Variants in TMTC2 observed in about 807,000 individuals in gnomAD.
TMTC2 encodes protein O-mannosyl-transferase TMTC2.
In TMTC2, 43 loss-of-function variants were observed where a neutral mutation model predicts 82.4. The observed-to-expected ratio is 0.52, with a 90% CI of 0.41 to 0.67. The LOEUF (loss-of-function observed/expected upper bound fraction) is 0.67, where lower values mean the gene tolerates loss of function less well. Among genes scored for constraint, TMTC2 ranks in the 30% least tolerant of loss-of-function variants. TMTC2 has a pLI of 0.00. For missense variants in TMTC2, 919 were observed against 1,012.4 expected (o/e 0.91, Z 1.25); for synonymous variants, 408 against 381.9 (o/e 1.07, Z -0.80).
At chr12:83,046,810 A>C (rs1238494056) in intron 9 of TMTC2, among the ~76,000 whole-genome samples, 1 of 152,184 alleles carries the variant, frequency 6.6e-6, no homozygotes, top group Non-Finnish European at 1.5e-5. Context: ...CGAGATCCAC[A>C]TTCTGCCACA....
chr12:83,125,991 G>T (rs935754263), intron 11 of TMTC2, among the ~76,000 whole-genome samples: 9 of 152,106 alleles, frequency 5.9e-5, no homozygotes, highest in South Asian at 4.1e-4. Context: ...ATATGCACAA[G>T]AATTGATGGC....
chr12:83,071,321 A>G (rs537505705), intron 11 of TMTC2, among the ~76,000 whole-genome samples: 41 of 151,686 alleles, frequency 2.7e-4, no homozygotes, highest in Non-Finnish European at 5.0e-4. Context: ...TGCCCGGCTA[A>G]TTTTTTTTGT....
chr12:83,115,479 A>G (rs532104193), intron 11 of TMTC2, among the ~76,000 whole-genome samples: 8 of 152,190 alleles, frequency 5.3e-5, no homozygotes, highest in African/African-American at 1.7e-4. Context: ...TGTATTCTGT[A>G]TGTACTTTGA....
chr12:82,885,052 C>A (rs895926169), intron 2 of TMTC2, among the ~76,000 whole-genome samples: 27 of 150,846 alleles, frequency 1.8e-4, no homozygotes, highest in Admixed American at 3.3e-4. Context: ...AGCCACCACA[C>A]CTGGCTGATT....
At chr12:83,010,588 C>T (rs1175268383) in intron 8 of TMTC2, among the ~76,000 whole-genome samples, 1 of 152,052 alleles carries the variant, frequency 6.6e-6, no homozygotes, top group Non-Finnish European at 1.5e-5. Context: ...CTATGGCACC[C>T]AAATAAAGCC....
chr12:82,789,532 G>A (rs1878352148), intron 1 of TMTC2, among the ~76,000 whole-genome samples: 1 of 152,040 alleles, frequency 6.6e-6, no homozygotes, highest in African/African-American at 2.4e-5. Context: ...TTTATTTGAA[G>A]TAAAATGCCA....
chr12:82,954,524 G>T (rs1877513594), intron 4 of TMTC2, among the ~76,000 whole-genome samples: 1 of 152,228 alleles, frequency 6.6e-6, no homozygotes, highest in Admixed American at 6.5e-5. Flanking sequence ...ATCAAAGCAA[G>T]AAAGAAACTG....
intron 3 of TMTC2, among the ~76,000 whole-genome samples, chr12:82,926,099 G>A (rs556986540): frequency 4.0e-4 from 61 of 150,928 alleles, no homozygotes; most frequent in African/African-American, 1.3e-3. Flanking sequence ...CCCCTGCCTC[G>A]CCTCCCAAGT....
chr12:83,093,812 A>G (rs1306691260), intron 11 of TMTC2, among the ~76,000 whole-genome samples: 1 of 152,250 alleles, frequency 6.6e-6, no homozygotes, highest in Non-Finnish European at 1.5e-5. Context: ...GGTACCAATT[A>G]TGAGCCATAC....
chr12:82,806,836 G>C (rs947522382), intron 1 of TMTC2, among the ~76,000 whole-genome samples: 1 of 152,072 alleles, frequency 6.6e-6, no homozygotes, highest in Admixed American at 6.6e-5. Flanking sequence ...GTGTTAGATG[G>C]CAAAGGCAAA....
chr12:82,806,884 T>C, intron 1 of TMTC2, among the ~76,000 whole-genome samples: 1 of 152,036 alleles, frequency 6.6e-6, no homozygotes, highest in African/African-American at 2.4e-5. Context: ...TGTTAAAACG[T>C]TTGTTGTTCA....
rs910515769 is a variant in TMTC2 at position 82,721,404 on chromosome 12, GT to G, written c.83+33742del. On this transcript the variant is annotated intron_variant, in intron 1 of 11. Transcript: ENST00000321196. Reference sequence around the variant, plus strand: ...TTTTGCCCTTATAATAGTTTAAATTGTTTTTTTAATTTTGTTTTTTTCTTTC... The same window carrying G: ...TTTTGCCCTTATAATAGTTTAAATTGTTTTTTAATTTTGTTTTTTTCTTTC... Among the ~76,000 whole-genome samples the G allele has an allele frequency of 5.0e-4, 76 of 152,060 alleles. 1 individual carries two copies. Among genetic ancestry groups the G allele is most frequent in the African/African-American group, 1.6e-3 (68 of 41,494 alleles).
intron 11 of TMTC2, among the ~76,000 whole-genome samples, chr12:83,076,499 A>T (rs1883286889): frequency 6.6e-6 from 1 of 152,244 alleles, no homozygotes; most frequent in Non-Finnish European, 1.5e-5. Flanking sequence ...ACTCCAAAGA[A>T]ACCAGATTCC....
intron 4 of TMTC2, among the ~76,000 whole-genome samples, chr12:82,963,130 C>A (rs1403589424): frequency 1.3e-5 from 2 of 151,910 alleles, no homozygotes; most frequent in Admixed American, 6.6e-5. Flanking sequence ...GGGATTGGGG[C>A]ATTGGTCATA....
At chr12:83,108,378 A>G (rs1478661664) in intron 11 of TMTC2, among the ~76,000 whole-genome samples, 2 of 152,130 alleles carry the variant, frequency 1.3e-5, no homozygotes, top group East Asian at 3.9e-4. Context: ...GACATTATAA[A>G]ACGTGAACTT....
At chr12:83,080,669 C>T (rs1393966742) in intron 11 of TMTC2, among the ~76,000 whole-genome samples, 2 of 152,130 alleles carry the variant, frequency 1.3e-5, no homozygotes, top group Non-Finnish European at 1.5e-5. Flanking sequence ...GTAACATTAC[C>T]TACCAAAAGT....
In TMTC2 at chr12:82,730,932, A is replaced by T. The variant is rs147405156; in HGVS notation, c.83+43263A>T. ...AAGTCGTTTTGATTAATGTGTTTGC[A>T]CATGGAAAACTATTGGATTCAGAGT... On this transcript the variant is annotated intron_variant, in intron 1 of 11. Transcript: ENST00000321196. Among the ~76,000 whole-genome samples the T allele has an allele frequency of 2.1e-3, 325 of 152,368 alleles. 2 individuals are homozygous for T. The highest frequency in any genetic ancestry group is 7.3e-3 in the African/African-American group (304 of 41,590).
chr12:82,964,970 G>A (rs971525099), intron 4 of TMTC2, 54 bp from the exon 5 acceptor site: 4 of 1,314,290 alleles, frequency 3.0e-6, no homozygotes, highest in Non-Finnish European at 4.2e-6. Context: ...AAAATTTGTG[G>A]TTTTATATAT....
intron 11 of TMTC2, among the ~76,000 whole-genome samples, chr12:83,063,381 A>G (rs1032021466): frequency 6.6e-6 from 1 of 151,832 alleles, no homozygotes; most frequent in Non-Finnish European, 1.5e-5. Context: ...ATTAATTATG[A>G]GATGTTTCAA....
Sources: gnomAD v4.1 joint callset for allele counts (sites outside exome capture counted in the v4.1 genomes callset) on GRCh38, gnomAD v4.1.1 for gene constraint, MANE v1.5 for transcripts, NCBI Gene and HGNC (gene_info 2026-07-23, HGNC 2026-07-21) for gene names.